The following FCHSD2 variants were observed in gnomAD, a reference collection of about 807,000 sequenced individuals.
The protein encoded by FCHSD2 is F-BAR and double SH3 domains protein 2.
Under a neutral mutation model 108.1 loss-of-function variants are expected in FCHSD2, and 38 were observed. The observed-to-expected ratio is 0.35, with a 90% CI of 0.27 to 0.46. FCHSD2 has a LOEUF of 0.46. Among genes scored for constraint, FCHSD2 ranks in the 20% least tolerant of loss-of-function variants. FCHSD2 has a pLI of 1.00. For synonymous variants in FCHSD2, 279 were observed against 314.7 expected (o/e 0.89, Z 1.20); for missense variants, 751 against 897.8 (o/e 0.84, Z 2.09).
chr11:73,060,143 G>A (rs1399381781), intron 3 of FCHSD2, among the ~76,000 whole-genome samples: 2 of 152,152 alleles, frequency 1.3e-5, no homozygotes, highest in Non-Finnish European at 2.9e-5. Flanking sequence ...TAAGGAGTTA[G>A]TCACCCAATA....
At chr11:73,116,589 G>A (rs549270391) in intron 2 of FCHSD2, among the ~76,000 whole-genome samples, 29 of 151,984 alleles carry the variant, frequency 1.9e-4, no homozygotes, top group Non-Finnish European at 3.5e-4. Context: ...CACCCATGCT[G>A]GAGTGCAGTT....
chr11:72,897,405 T>C (rs1362081308), intron 10 of FCHSD2, among the ~76,000 whole-genome samples: 1 of 151,528 alleles, frequency 6.6e-6, no homozygotes, highest in East Asian at 1.9e-4. Flanking sequence ...AACAATGTAA[T>C]AGGACCATTA....
At chr11:72,871,602 G>T (rs961778999) in intron 12 of FCHSD2, among the ~76,000 whole-genome samples, 1 of 2,678 alleles carries the variant, frequency 3.7e-4, no homozygotes, top group African/African-American at 9.0e-4. Context: ...AGTTGGAGCT[G>T]GTGCAGTGGC....
At chr11:73,027,484 A>T (rs1309688489) in intron 3 of FCHSD2, among the ~76,000 whole-genome samples, 5 of 152,228 alleles carry the variant, frequency 3.3e-5, no homozygotes, top group African/African-American at 1.2e-4. Context: ...TCCAGTCATA[A>T]AGAGATGGTC....
intron 13 of FCHSD2, among the ~76,000 whole-genome samples, chr11:72,865,924 T>C (rs1244446658): frequency 1.3e-5 from 2 of 152,220 alleles, no homozygotes; most frequent in African/African-American, 4.8e-5. Context: ...TCTGGTCTCC[T>C]AGCTTGTAAA....
intron 8 of FCHSD2, among the ~76,000 whole-genome samples, chr11:72,928,738 A>T (rs1856127519): frequency 6.6e-6 from 1 of 152,070 alleles, no homozygotes; most frequent in Non-Finnish European, 1.5e-5. Flanking sequence ...TATTATTATT[A>T]TACTTTAAGT....
At chr11:73,051,001 T>C (rs2135475577) in intron 3 of FCHSD2, among the ~76,000 whole-genome samples, 1 of 152,256 alleles carries the variant, frequency 6.6e-6, no homozygotes, top group East Asian at 1.9e-4. Flanking sequence ...ATCAGTTAGT[T>C]TGTTATCTAT....
intron 3 of FCHSD2, among the ~76,000 whole-genome samples, chr11:73,083,427 T>C (rs998296834): frequency 6.6e-6 from 1 of 152,078 alleles, no homozygotes; most frequent in Non-Finnish European, 1.5e-5. Context: ...CACACACCTG[T>C]AGTCCCAGCT....
intron 2 of FCHSD2, among the ~76,000 whole-genome samples, chr11:73,105,653 A>G (rs1860325246): frequency 6.6e-6 from 1 of 152,232 alleles, no homozygotes. Flanking sequence ...TGAAAAACAT[A>G]AAGAACTCAA....
intron 3 of FCHSD2, among the ~76,000 whole-genome samples, chr11:73,056,432 AT>A (rs1227055679): frequency 1.3e-5 from 2 of 152,300 alleles, no homozygotes; most frequent in South Asian, 2.1e-4. Context: ...TTTAAAAATT[AT>A]TTTTTGTCTC....
At chr11:73,100,475 C>T (rs953747011) in intron 2 of FCHSD2, among the ~76,000 whole-genome samples, 3 of 151,888 alleles carry the variant, frequency 2.0e-5, no homozygotes, top group Non-Finnish European at 2.9e-5. Context: ...GCGATTCTCC[C>T]GCCTCAGCCT....
rs989589120 is a variant in FCHSD2 at position 72,888,721 on chromosome 11, C to A, written c.1041+1108G>T. Among the ~76,000 whole-genome samples, 6 of 151,784 alleles carry A rather than the reference C, an allele frequency of 4.0e-5. No homozygotes were observed. The East Asian group carries it at 5.8e-4, about 15-fold the overall frequency. On this transcript the variant is annotated intron_variant, in intron 11 of 19. Transcript: ENST00000409418. ...GTAACCTCCACCTCCCGGGCTCAAG[C>A]AATTCTCCCCAACCTTAGCCTCCCG...
At chr11:73,019,073 A>G (rs1858039155) in intron 3 of FCHSD2, among the ~76,000 whole-genome samples, 1 of 152,188 alleles carries the variant, frequency 6.6e-6, no homozygotes. Context: ...AAATGAGGAA[A>G]AGATCATCTG....
intron 3 of FCHSD2, among the ~76,000 whole-genome samples, chr11:73,020,357 C>T (rs1017905387): frequency 5.9e-5 from 9 of 152,182 alleles, no homozygotes; most frequent in African/African-American, 1.9e-4. Flanking sequence ...CATCCCTCAG[C>T]ATACAGAGAA....
intron 2 of FCHSD2, among the ~76,000 whole-genome samples, chr11:73,088,053 T>C (rs1470577080): frequency 6.6e-6 from 1 of 152,128 alleles, no homozygotes. Context: ...CTAATTATTG[T>C]TGTTGTTCCA....
chr11:73,134,796 C>T lies in FCHSD2; in HGVS notation c.119+5235G>A, dbSNP rs146501539. ...CTCAATGTATCAAAAAATAAGAAAACAAATTATTCCCTGATAATATACTGT... is the reference window on the plus strand; with the variant it reads ...CTCAATGTATCAAAAAATAAGAAAATAAATTATTCCCTGATAATATACTGT... On this transcript the variant is annotated intron_variant, in intron 2 of 19. Transcript: ENST00000409418. Among the ~76,000 whole-genome samples, 119 of 152,286 alleles carry T rather than the reference C, an allele frequency of 7.8e-4. No homozygotes were observed. The East Asian group carries it at 0.016, about 21-fold the overall frequency.
At chr11:73,084,960 GAAA>G (rs768600117) in intron 2 of FCHSD2, among the ~76,000 whole-genome samples, 1 of 106,768 alleles carries the variant, frequency 9.4e-6, no homozygotes. Context: ...TAAGAAGGAG[GAAA>G]AAAAAAAAAA....
At chr11:72,938,246 C>T (rs1442598547) in intron 8 of FCHSD2, among the ~76,000 whole-genome samples, 5 of 143,420 alleles carry the variant, frequency 3.5e-5, no homozygotes, top group Admixed American at 7.4e-5. Context: ...TGCAATGGCA[C>T]GATCTCGGCT....
At chr11:72,947,155 G>A (rs1015663669) in intron 8 of FCHSD2, among the ~76,000 whole-genome samples, 4 of 152,204 alleles carry the variant, frequency 2.6e-5, no homozygotes, top group Non-Finnish European at 4.4e-5. Context: ...CTGTAGGTAC[G>A]AAGCATTTTC....
Sources: gnomAD v4.1 joint callset for allele counts (sites outside exome capture counted in the v4.1 genomes callset) on GRCh38, gnomAD v4.1.1 for gene constraint, MANE v1.5 for transcripts, NCBI Gene and HGNC (gene_info 2026-07-23, HGNC 2026-07-21) for gene names.